ITSN2: variants seen among roughly 807,000 people sequenced by gnomAD.
ITSN2 encodes the protein intersectin-2.
Under a neutral mutation model 243.7 loss-of-function variants are expected in ITSN2, and 156 were observed. The observed-to-expected ratio is 0.64, with a 90% confidence interval of 0.56 to 0.73. The LOEUF (loss-of-function observed/expected upper bound fraction) is 0.73. Among genes scored for constraint, ITSN2 ranks in the 30% least tolerant of loss-of-function variants. The probability of loss-of-function intolerance (pLI) is 0.00; values close to 1 mark genes in which losing one functional copy is unlikely to be tolerated. For missense variants in ITSN2, 1,801 were observed against 1,996.1 expected, an observed-to-expected ratio of 0.90 and a Z score of 1.86; for synonymous variants, 703 against 699.9, an observed-to-expected ratio of 1.00 and a Z score of -0.07.
At chr2:24,306,002 C>T (rs528748339) in intron 8 of ITSN2, among the ~76,000 whole-genome samples, 2 of 152,172 alleles carry the variant, frequency 1.3e-5, no homozygotes, top group Non-Finnish European at 1.5e-5. Context: ...TTTTTTGAGA[C>T]GTAGTCTAGT....
At chr2:24,258,826 C>T (rs1479038190) in intron 22 of ITSN2, among the ~76,000 whole-genome samples, 1 of 152,164 alleles carries the variant, frequency 6.6e-6, no homozygotes, top group Non-Finnish European at 1.5e-5. Flanking sequence ...TTAATAATAA[C>T]ATCAAAGCCA....
intron 15 of ITSN2, among the ~76,000 whole-genome samples, chr2:24,289,993 ATATC>A (rs2151587461): frequency 6.6e-6 from 1 of 152,284 alleles, no homozygotes; most frequent in Non-Finnish European, 1.5e-5. Flanking sequence ...AATTCCTTCT[ATATC>A]TATTTTTTTT....
intron 1 of ITSN2, among the ~76,000 whole-genome samples, chr2:24,336,396 C>T (rs1429797000): frequency 2.0e-5 from 3 of 152,110 alleles, no homozygotes; most frequent in East Asian, 1.9e-4. Context: ...CTCATTAATG[C>T]CCCTTTCCTG....
At chr2:24,270,832 A>T in intron 19 of ITSN2, 64 bp from the exon 20 acceptor site, 1 of 836,390 alleles carries the variant, frequency 1.2e-6, no homozygotes. Context: ...ATGACTCAAT[A>T]AAGAGCTCTA....
At chr2:24,279,107 T>G (rs141924724) in intron 17 of ITSN2, among the ~76,000 whole-genome samples, 1 of 152,366 alleles carries the variant, frequency 6.6e-6, no homozygotes, top group African/African-American at 2.4e-5. Flanking sequence ...AGCATAATCT[T>G]TTTCTCCTTT....
intron 1 of ITSN2, among the ~76,000 whole-genome samples, chr2:24,350,900 G>A (rs540682672): frequency 2.4e-4 from 36 of 152,296 alleles, no homozygotes; most frequent in African/African-American, 7.5e-4. Flanking sequence ...TTTTAAGAAC[G>A]ACGAAAATGT....
intron 29 of ITSN2, among the ~76,000 whole-genome samples, chr2:24,231,704 G>A (rs537568437): frequency 6.6e-6 from 1 of 152,192 alleles, no homozygotes; most frequent in Non-Finnish European, 1.5e-5. Context: ...GGAAAGATCT[G>A]GGCAGATTCC....
intron 13 of ITSN2, 99 bp downstream of exon 13, chr2:24,298,566 G>C (rs1235183039): frequency 8.7e-7 from 1 of 1,144,398 alleles, no homozygotes; most frequent in Non-Finnish European, 1.2e-6. Flanking sequence ...AAAGTGCTAG[G>C]ATAACAGGTG....
intron 15 of ITSN2, among the ~76,000 whole-genome samples, chr2:24,290,261 G>T (rs11896785): frequency 1.1e-3 from 175 of 152,214 alleles, no homozygotes; most frequent in African/African-American, 4.1e-3. Flanking sequence ...TGGCAAAAAA[G>T]AAACCTGATT....
chr2:24,247,850 C>T (rs1362805741), intron 27 of ITSN2, among the ~76,000 whole-genome samples: 1 of 152,122 alleles, frequency 6.6e-6, no homozygotes, highest in Non-Finnish European at 1.5e-5. Flanking sequence ...ATGTTTCCCA[C>T]TTAGTTCGGT....
intron 29 of ITSN2, among the ~76,000 whole-genome samples, chr2:24,236,269 C>A (rs1214363221): frequency 6.6e-6 from 1 of 152,062 alleles, no homozygotes; most frequent in Non-Finnish European, 1.5e-5. Flanking sequence ...TTTTATGATT[C>A]CATACATATG....
chr2:24,334,137 C>T (rs1686090133), intron 1 of ITSN2, among the ~76,000 whole-genome samples: 1 of 152,086 alleles, frequency 6.6e-6, no homozygotes, highest in East Asian at 1.9e-4. Context: ...CAGCTCACTG[C>T]AACCTCCGCC....
chr2:24,333,802 G>C (rs1474239459), intron 1 of ITSN2, among the ~76,000 whole-genome samples: 5 of 152,248 alleles, frequency 3.3e-5, no homozygotes, highest in African/African-American at 1.2e-4. Context: ...ACAAAAGCAG[G>C]AAATCCTGCT....
chr2:24,281,528 G>A (rs1266537506), intron 17 of ITSN2, among the ~76,000 whole-genome samples: 2 of 152,134 alleles, frequency 1.3e-5, no homozygotes, highest in South Asian at 2.1e-4. Flanking sequence ...CCTCAAACCT[G>A]TATGAACCAT....
At chr2:24,232,552 T>C (rs1671732660) in intron 29 of ITSN2, among the ~76,000 whole-genome samples, 1 of 152,154 alleles carries the variant, frequency 6.6e-6, no homozygotes, top group Non-Finnish European at 1.5e-5. Context: ...ATATAGACTA[T>C]TATAAAGAGA....
At chr2:24,319,441 C>T (rs565583562) in intron 2 of ITSN2, among the ~76,000 whole-genome samples, 85 of 152,268 alleles carry the variant, frequency 5.6e-4, no homozygotes, top group Middle Eastern at 3.4e-3. Context: ...TATGAGTCTG[C>T]CATCCCCCAT....
At chr2:24,348,866 A>G (rs1027492230) in intron 1 of ITSN2, among the ~76,000 whole-genome samples, 1 of 152,258 alleles carries the variant, frequency 6.6e-6, no homozygotes, top group African/African-American at 2.4e-5. Context: ...TTAAAAAATT[A>G]CCAATATACT....
Position 24,271,864 on chromosome 2 carries a change from T to C in ITSN2, c.2159A>G (p.Gln720Arg). ...AATTTTTTCTTGTGTTTTTTCTTCCTGGAGTCGCTTTTGTTTTTCTTCTTC... is the reference window on the plus strand; with the variant it reads ...AATTTTTTCTTGTGTTTTTTCTTCCCGGAGTCGCTTTTGTTTTTCTTCTTC... ...KEEEEKQKRL[Q>R]EEKTQEKIQE... is the part of the protein sequence containing the mutation. The change falls in exon 19 of 40, where the codon CAG becomes CGG. Residue 720 changes from glutamine to arginine, a missense_variant. Physicochemically the swap from Gln to Arg is conservative, Grantham distance 43 (BLOSUM62 1). Around this residue, in one of 5 missense-constraint regions of ITSN2, gnomAD observed 787 missense variants for 803.9 expected, o/e 0.98. Transcript: ENST00000355123. 1 of 1,609,468 alleles carries C rather than the reference T, an allele frequency of 6.2e-7. No homozygotes were observed. Among genetic ancestry groups the C allele is most frequent in the African/African-American group, 1.3e-5 (1 of 74,666 alleles).
chr2:24,300,250 C>A, intron 11 of ITSN2, 79 bp from the exon 12 acceptor site: 1 of 1,384,858 alleles, frequency 7.2e-7, no homozygotes, highest in South Asian at 1.3e-5. Context: ...TATACTTATG[C>A]CTTGTGATCA....
Sources: gnomAD v4.1 joint callset for allele counts (sites outside exome capture counted in the v4.1 genomes callset) on GRCh38, gnomAD v4.1.1 for gene constraint, gnomAD v4.1.1 regional missense constraint, MANE v1.5 for transcripts, NCBI Gene and HGNC (gene_info 2026-07-23, HGNC 2026-07-21) for gene names.